The following KIAA1217 variants were observed in gnomAD, a reference collection of about 807,000 sequenced individuals.
KIAA1217 encodes sickle tail protein homolog.
KIAA1217 carries 88 observed loss-of-function variants against 163.9 expected under a neutral mutation model. That is an observed-to-expected ratio of 0.54 (90% CI 0.45 to 0.64). The LOEUF is 0.64. Ranked by LOEUF, KIAA1217 falls within the 30% of genes least tolerant of loss-of-function variation. The pLI is 0.00. For missense variants in KIAA1217, 2,372 were observed against 2,475.0 expected (o/e 0.96, Z 0.88); for synonymous variants, 903 against 923.1 (o/e 0.98, Z 0.39).
At chr10:24,463,386 C>T (rs1311425644) in intron 5 of KIAA1217, among the ~76,000 whole-genome samples, 3 of 152,162 alleles carry the variant, frequency 2.0e-5, no homozygotes, top group African/African-American at 4.8e-5. Flanking sequence ...ATAAGCTAAC[C>T]GCTGACTGGA....
chr10:23,843,090 A>G (rs75058681), intron 1 of KIAA1217, among the ~76,000 whole-genome samples: 3,153 of 152,228 alleles, frequency 0.021, 102 homozygotes, highest in Admixed American at 0.052. Context: ...AATATTATCA[A>G]TGTAAATGTT....
chr10:23,774,327 T>G (rs1274529114), intron 1 of KIAA1217, among the ~76,000 whole-genome samples: 1 of 152,132 alleles, frequency 6.6e-6, no homozygotes, highest in Non-Finnish European at 1.5e-5. Flanking sequence ...GTGTTGCTGG[T>G]GTGTGGGCTA....
At chr10:24,109,298 C>A (rs1423903809) in intron 2 of KIAA1217, among the ~76,000 whole-genome samples, 2 of 152,054 alleles carry the variant, frequency 1.3e-5, no homozygotes, top group African/African-American at 4.8e-5. Flanking sequence ...TGTCTGTGTT[C>A]CCAGTTGCCT....
At chr10:24,166,718 C>A (rs1403944370) in intron 2 of KIAA1217, among the ~76,000 whole-genome samples, 1 of 152,018 alleles carries the variant, frequency 6.6e-6, no homozygotes, top group East Asian at 1.9e-4. Flanking sequence ...CAGCCTGACT[C>A]AGTCTCAAAT....
intron 5 of KIAA1217, among the ~76,000 whole-genome samples, chr10:24,440,995 A>C (rs2060454941): frequency 6.6e-6 from 1 of 152,214 alleles, no homozygotes; most frequent in Non-Finnish European, 1.5e-5. Context: ...ATTGCCATTA[A>C]AGGGCAGGAA....
intron 1 of KIAA1217, among the ~76,000 whole-genome samples, chr10:23,825,995 A>G (rs1025880931): frequency 2.6e-5 from 4 of 152,156 alleles, no homozygotes; most frequent in African/African-American, 9.7e-5. Flanking sequence ...AGAGATAAAA[A>G]ATTGTTAGTT....
At chr10:24,478,600 C>T (rs982473804) in intron 6 of KIAA1217, among the ~76,000 whole-genome samples, 1 of 152,092 alleles carries the variant, frequency 6.6e-6, no homozygotes, top group Admixed American at 6.5e-5. Flanking sequence ...TGGTTTTATC[C>T]AAGTGACTTC....
At chr10:24,175,465 GTT>G (rs963262504) in intron 2 of KIAA1217, among the ~76,000 whole-genome samples, 1 of 151,084 alleles carries the variant, frequency 6.6e-6, no homozygotes, top group Non-Finnish European at 1.5e-5. Context: ...GTGTGTGTGT[GTT>G]TATTGTTTTT....
intron 2 of KIAA1217, among the ~76,000 whole-genome samples, chr10:24,330,585 T>C (rs2045549730): frequency 6.6e-6 from 1 of 152,138 alleles, no homozygotes; most frequent in Admixed American, 6.6e-5. Context: ...TTCTGCCTTA[T>C]AGAATCAAAT....
intron 2 of KIAA1217, among the ~76,000 whole-genome samples, chr10:24,257,394 G>A (rs547398963): frequency 1.1e-4 from 16 of 152,286 alleles, no homozygotes; most frequent in Admixed American, 3.3e-4. Flanking sequence ...GCCCACACGT[G>A]TTCACCAGAC....
At chr10:23,999,674 A>T (rs1233032271) in intron 1 of KIAA1217, among the ~76,000 whole-genome samples, 2 of 152,270 alleles carry the variant, frequency 1.3e-5, no homozygotes, top group Non-Finnish European at 2.9e-5. Context: ...AATGCGAAGG[A>T]GTTTTGAATG....
At chr10:24,440,465 G>A (rs561882223) in intron 5 of KIAA1217, among the ~76,000 whole-genome samples, 20 of 152,178 alleles carry the variant, frequency 1.3e-4, no homozygotes, top group Admixed American at 5.9e-4. Context: ...CCCCAGAATC[G>A]CCTCTGAGAA....
chr10:24,147,970 G>A (rs2064415002), intron 2 of KIAA1217, among the ~76,000 whole-genome samples: 1 of 151,390 alleles, frequency 6.6e-6, no homozygotes, highest in South Asian at 2.1e-4. Context: ...TACACTTAGT[G>A]CATGTATTAC....
chr10:24,000,865 A>G (rs1486009629), intron 1 of KIAA1217, among the ~76,000 whole-genome samples: 1 of 152,240 alleles, frequency 6.6e-6, no homozygotes, highest in Non-Finnish European at 1.5e-5. Context: ...TCAAATGGGC[A>G]CTGAGGGCAA....
chr10:24,457,077 C>T (rs1298483934), intron 5 of KIAA1217, among the ~76,000 whole-genome samples: 1 of 152,072 alleles, frequency 6.6e-6, no homozygotes, highest in Non-Finnish European at 1.5e-5. Context: ...GAAACGTCAT[C>T]GAAATGGCAC....
chr10:24,003,206 C>T (rs72773137), intron 1 of KIAA1217, among the ~76,000 whole-genome samples: 34,305 of 151,968 alleles, frequency 0.23, 4,553 homozygotes, highest in Middle Eastern at 0.41. Context: ...GGTAGATCTA[C>T]CTTTAGTTCT....
At chr10:23,826,898 A>G (rs1302218740) in intron 1 of KIAA1217, among the ~76,000 whole-genome samples, 1 of 152,144 alleles carries the variant, frequency 6.6e-6, no homozygotes, top group Non-Finnish European at 1.5e-5. Context: ...CAAGTCCCCT[A>G]TAGTGATATC....
At chr10:23,784,321 G>A (rs1405468328) in intron 1 of KIAA1217, among the ~76,000 whole-genome samples, 1 of 151,948 alleles carries the variant, frequency 6.6e-6, no homozygotes, top group South Asian at 2.1e-4. Context: ...TTCAACTTGT[G>A]TGTCCTTAAA....
At chr10:24,298,536 G>A (rs775195695) in intron 2 of KIAA1217, among the ~76,000 whole-genome samples, 1 of 152,150 alleles carries the variant, frequency 6.6e-6, no homozygotes, top group Non-Finnish European at 1.5e-5. Flanking sequence ...AGTGGCTCAC[G>A]TCTATCATTC....
Sources: allele counts gnomAD v4.1 joint callset (sites outside exome capture counted in the v4.1 genomes callset), GRCh38; gene constraint gnomAD v4.1.1; transcripts MANE v1.5; gene names NCBI Gene and HGNC (gene_info 2026-07-23, HGNC 2026-07-21).